Variants in TAF8 observed in about 807,000 individuals in gnomAD.
The protein encoded by TAF8 is transcription initiation factor TFIID subunit 8.
TAF8 carries 47 observed loss-of-function variants against 36.5 expected under a neutral mutation model. That is an observed-to-expected ratio of 1.29 (90% CI 1.02 to 1.64). The LOEUF is 1.64. TAF8 is among the 40% of genes most tolerant of loss of function. TAF8 has a pLI of 0.00. For missense variants in TAF8, 420 were observed against 407.6 expected (o/e 1.03, Z -0.26); for synonymous variants, 175 against 159.5 (o/e 1.10, Z -0.73).
In TAF8 at chr6:42,053,343, G is replaced by A. The variant is rs757344187; in HGVS notation, c.202+1830G>A. ...TTTGGGAGGCCGAGGCGGGTATATC[G>A]CCTGAGGTCAGGAGTTTCAAGACCA... On this transcript the variant is annotated intron_variant, in intron 2 of 8. Coordinates refer to ENST00000372977, the MANE Select transcript of TAF8 (RefSeq NM_138572.3). Among the ~76,000 whole-genome samples the A allele has an allele frequency of 7.9e-5, 12 of 152,168 alleles. No homozygotes were observed. In the South Asian group the frequency reaches 1.2e-3, roughly 16 times the overall value.
At chr6:42,064,650 C>T (rs1765296702) in intron 5 of TAF8, among the ~76,000 whole-genome samples, 1 of 151,666 alleles carries the variant, frequency 6.6e-6, no homozygotes, top group African/African-American at 2.4e-5. Context: ...CTGATGGTGA[C>T]AACAAAGAAA....
chr6:42,061,465 ATTATAAAACCATC>A (rs1469185200), intron 5 of TAF8, among the ~76,000 whole-genome samples: 1 of 152,226 alleles, frequency 6.6e-6, no homozygotes, highest in African/African-American at 2.4e-5. Flanking sequence ...TTTATAGCTG[ATTATAAAACCATC>A]TTTTAAAGAG....
chr6:42,069,770 C>T (rs1030743566), intron 7 of TAF8, among the ~76,000 whole-genome samples: 4 of 152,038 alleles, frequency 2.6e-5, no homozygotes, highest in Admixed American at 6.6e-5. Flanking sequence ...AAAACATGAG[C>T]GTGGATGAGC....
chr6:42,057,825 C>G lies in TAF8; in HGVS notation c.489+312C>G, dbSNP rs1186433063. 3 of 370,050 alleles carry G rather than the reference C, an allele frequency of 8.1e-6. No homozygotes were observed. In the East Asian group the frequency reaches 1.3e-4, roughly 16 times the overall value. The allele number at this position is 370,050 out of a possible 1,614,324, so 22.9% of individuals were successfully genotyped here. ...CTTTCATAATTGAGAAACAATTTGG[C>G]AAATGAGAATTATGTTCTCAAGTTT... On this transcript the variant is annotated intron_variant, in intron 5 of 8. Coordinates refer to ENST00000372977, the MANE Select transcript of TAF8 (RefSeq NM_138572.3).
At chr6:42,051,132 A>C (rs968092492) in intron 1 of TAF8, 113 of 1,277,196 alleles carry the variant, frequency 8.8e-5, no homozygotes, top group Non-Finnish European at 1.1e-4. Flanking sequence ...ATTTTATCTC[A>C]TTGGGACTGT....
rs756653413 is a variant in TAF8 at position 42,077,964 on chromosome 6, C to G, written c.*419C>G. ...AGAGATAGGGTTTCGCCATGTTGGC[C>G]AGGCTGGTCTTGAACTCCTGACCTC... On this transcript the variant is annotated 3_prime_UTR_variant, in exon 9 of 9. Transcript: ENST00000372977. 1 of 221,540 alleles carries G rather than the reference C, an allele frequency of 4.5e-6. No individual in the cohort carries two copies. The highest frequency in any genetic ancestry group is 8.2e-6 in the Non-Finnish European group (1 of 122,484). The allele number at this position is 221,540 out of a possible 1,614,324, so 13.7% of individuals were successfully genotyped here.
At chr6:42,050,736 C>G in intron 1 of TAF8, 150 bp downstream of exon 1, 1 of 1,075,852 alleles carries the variant, frequency 9.3e-7, no homozygotes, top group Non-Finnish European at 1.3e-6. Flanking sequence ...GGCGCCCCCT[C>G]CTTGGGACTT....
rs953197105 is a variant in TAF8, at chr6:42,078,602, A to G, written c.*1057A>G. The G allele has an allele frequency of 4.4e-5, 43 of 985,472 alleles. 1 individual carries two copies. In the South Asian group the frequency reaches 8.9e-4, roughly 20 times the overall value. 61.0% of individuals were successfully genotyped at this position (985,472 alleles called of 1,614,324 possible). A position where few individuals can be genotyped will look rare whatever the true frequency, so the allele number is the denominator to read the frequency against. ...ATGCATCACTGTGAAGAAGAACGAC[A>G]TGTCGGGGCTGCACCTGTCCTCCCG... is the stretch of plus-strand genomic sequence containing the variant. On this transcript the variant is annotated 3_prime_UTR_variant, in exon 9 of 9. Transcript: ENST00000372977.
chr6:42,078,203 A>G lies in TAF8; in HGVS notation c.*658A>G. On this transcript the variant is annotated 3_prime_UTR_variant, in exon 9 of 9. Transcript: ENST00000372977. ...CCGCACCCCACCAGAGACTTTCTTA[A>G]TCAATCAGGCTATGTGGTGGGGCAT... 1.0e-6 allele frequency: 1 copy of G among 985,694 alleles called. No individual in the cohort carries two copies. Among genetic ancestry groups the G allele is most frequent in the Non-Finnish European group, 1.2e-6 (1 of 830,154 alleles). The allele number at this position is 985,694 out of a possible 1,614,324, so 61.1% of individuals were successfully genotyped here.
At chr6:42,076,188 CAGA>C (rs1765741930) in intron 7 of TAF8, among the ~76,000 whole-genome samples, 1 of 149,584 alleles carries the variant, frequency 6.7e-6, no homozygotes, top group South Asian at 2.1e-4. Context: ...GCCTGGGTAA[CAGA>C]AGAAGACTCC....
chr6:42,068,309 T>A (rs1765436348), intron 6 of TAF8, among the ~76,000 whole-genome samples, 156 bp from the exon 7 acceptor site: 2 of 152,182 alleles, frequency 1.3e-5, no homozygotes, highest in Admixed American at 1.3e-4. Context: ...GTAAAGCCCG[T>A]AGAACATTGC....
At position 42,057,439 on chromosome 6, in the gene TAF8, AACCG is replaced by A; in HGVS notation, c.419_422del (p.Arg140ProfsTer73). The A allele has an allele frequency of 6.2e-7, 1 of 1,614,084 alleles. No homozygotes were observed. Among genetic ancestry groups the A allele is most frequent in the Non-Finnish European group, 8.5e-7 (1 of 1,180,018 alleles). On this transcript the variant is annotated frameshift_variant, in exon 5 of 9. Transcript: ENST00000372977. LOFTEE classifies it high-confidence loss of function. ...CCCCAAGGCCCTCACTGCAGGGCAG[AACCG>A]ACCCCACCCGCCGCACATCCCCAGC...
intron 5 of TAF8, 73 bp downstream of exon 5, chr6:42,057,586 G>C: frequency 1.9e-6 from 3 of 1,583,302 alleles, no homozygotes; most frequent in South Asian, 2.3e-5. Context: ...TCACGTGGCA[G>C]AGTCCAGTCC....
chr6:42,069,487 G>C (rs181501228), intron 7 of TAF8, among the ~76,000 whole-genome samples: 31 of 152,322 alleles, frequency 2.0e-4, no homozygotes, highest in Admixed American at 2.0e-3. Context: ...GTAGATATGA[G>C]AGTTAAAGAA....
rs561002451 is a variant in TAF8 at position 42,073,778 on chromosome 6, G to C, written c.781-3322G>C. On this transcript the variant is annotated intron_variant, in intron 7 of 8. Transcript: ENST00000372977. ...TGTGGGAGGGCGTGGAGCAGAGGAGGGATGTTTCTGAGCTTCTTAAAGCAC... is the reference window on the plus strand; with the variant it reads ...TGTGGGAGGGCGTGGAGCAGAGGAGCGATGTTTCTGAGCTTCTTAAAGCAC... 7.7e-4 allele frequency among the ~76,000 whole-genome samples: 117 copies of C among 152,270 alleles called. 1 individual carries two copies. Among genetic ancestry groups the C allele is most frequent in the African/African-American group, 2.8e-3 (116 of 41,558 alleles).
Position 42,080,790 on chromosome 6 carries a change from T to C in TAF8, c.*3245T>C. 1 of 979,924 alleles carries C rather than the reference T, an allele frequency of 1.0e-6. No homozygotes were observed. Among genetic ancestry groups the C allele is most frequent in the Non-Finnish European group, 1.2e-6 (1 of 824,882 alleles). The allele number at this position is 979,924 out of a possible 1,614,324, so 60.7% of individuals were successfully genotyped here. A position where few individuals can be genotyped will look rare whatever the true frequency, so the allele number is the denominator to read the frequency against. ...AAATTCTCAATGTGTATTTATAAAT[T>C]TCTATTTTTTATAACTTTATGGGAC... On this transcript the variant is annotated 3_prime_UTR_variant, in exon 9 of 9. Transcript: ENST00000372977.
At chr6:42,070,405 T>C (rs1286960125) in intron 7 of TAF8, among the ~76,000 whole-genome samples, 3 of 152,060 alleles carry the variant, frequency 2.0e-5, no homozygotes, top group Non-Finnish European at 4.4e-5. Context: ...GGCAGGAGAA[T>C]GGCGTGAACC....
chr6:42,086,141 TTC>T (rs1766021473), downstream of TAF8, among the ~76,000 whole-genome samples: 1 of 152,142 alleles, frequency 6.6e-6, no homozygotes, highest in Non-Finnish European at 1.5e-5. Context: ...GCCACCCAGT[TTC>T]TAGTACTTTG....
At chr6:42,063,045 C>T (rs1364540164) in intron 5 of TAF8, 5 of 152,312 alleles carry the variant, frequency 3.3e-5, no homozygotes, top group Admixed American at 3.3e-4. Context: ...TCTGCAGTGA[C>T]CCTATTTCCA....
Sources: allele counts gnomAD v4.1 joint callset (sites outside exome capture counted in the v4.1 genomes callset), GRCh38; gene constraint gnomAD v4.1.1; transcripts MANE v1.5; gene names NCBI Gene and HGNC (gene_info 2026-07-23, HGNC 2026-07-21).